RPS6KA6: variants seen among roughly 807,000 people sequenced by gnomAD.
RPS6KA6 encodes ribosomal protein S6 kinase alpha-6.
In RPS6KA6, 27 loss-of-function variants were observed where a neutral mutation model predicts 65.4. That is an observed-to-expected ratio of 0.41 (90% CI 0.30 to 0.57). The LOEUF is 0.57. Among genes scored for constraint, RPS6KA6 ranks in the 20% least tolerant of loss-of-function variants. RPS6KA6 has a pLI of 0.24. For missense variants in RPS6KA6, 486 were observed against 555.6 expected (o/e 0.87, Z 1.26); for synonymous variants, 190 against 184.2 (o/e 1.03, Z -0.26).
intron 20 of RPS6KA6, among the ~76,000 whole-genome samples, chrX:84,081,029 A>G (rs2033786438): frequency 8.9e-6 from 1 of 112,029 alleles, no homozygotes; most frequent in Non-Finnish European, 1.9e-5. Context: ...AAAGCAGGAA[A>G]TATCTAAAAT....
intron 20 of RPS6KA6, among the ~76,000 whole-genome samples, chrX:84,093,499 C>A (rs1280363538): frequency 8.9e-6 from 1 of 111,956 alleles, no homozygotes; most frequent in Admixed American, 9.5e-5. Flanking sequence ...ATCTAAGAGA[C>A]CTTATGAGAT....
chrX:84,087,564 C>A (rs1337339450), intron 20 of RPS6KA6, among the ~76,000 whole-genome samples: 1 of 111,271 alleles, frequency 9.0e-6, no homozygotes, highest in Non-Finnish European at 1.9e-5. Context: ...GTGACCTGGC[C>A]TTTTCTCTCT....
chrX:84,091,741 TG>T (rs2034050544), intron 20 of RPS6KA6, among the ~76,000 whole-genome samples: 1 of 111,812 alleles, frequency 8.9e-6, no homozygotes, highest in African/African-American at 3.3e-5. Context: ...TACATGCACG[TG>T]TATGTTCACT....
chrX:84,063,990 C>A lies in RPS6KA6; in HGVS notation c.*287G>T. On this transcript the variant is annotated 3_prime_UTR_variant, in exon 22 of 22. Transcript: ENST00000262752. ...AACAAGAAAAAAAATATTAAAGTAA[C>A]TTTATTTGAAAGGAATTTTAGAAGC... 4.7e-6 allele frequency: 1 copy of A among 210,693 alleles called. No individual in the cohort carries two copies. The highest frequency in any genetic ancestry group is 8.5e-6 in the Non-Finnish European group (1 of 117,311). The allele number at this position is 210,693 out of a possible 1,213,427, so 17.4% of individuals were successfully genotyped here.
chrX:84,150,860 G>GGATATATATATAGAGAGGATATATAT (rs1555956228), intron 3 of RPS6KA6, among the ~76,000 whole-genome samples: 86 of 93,488 alleles, frequency 9.2e-4, no homozygotes, highest in Non-Finnish European at 1.6e-3. Flanking sequence ...TATATATATA[G>GGATATATATATAGAGAGGATATATAT]AGGATATATA....
chrX:84,081,455 C>A (rs2033798617), intron 20 of RPS6KA6, among the ~76,000 whole-genome samples: 1 of 111,301 alleles, frequency 9.0e-6, no homozygotes, highest in Admixed American at 9.6e-5. Context: ...ATAACAAATT[C>A]TAAACTCGAG....
intron 8 of RPS6KA6, among the ~76,000 whole-genome samples, chrX:84,129,123 A>T (rs1200339160): frequency 9.0e-6 from 1 of 111,722 alleles, no homozygotes; most frequent in Non-Finnish European, 1.9e-5. Flanking sequence ...ACAAGAATAC[A>T]TAAGGAGCTC....
intron 3 of RPS6KA6, among the ~76,000 whole-genome samples, chrX:84,150,502 T>C (rs968477161): frequency 8.2e-5 from 9 of 110,091 alleles, no homozygotes; most frequent in African/African-American, 1.7e-4. Context: ...AAGGCCACTA[T>C]AGAGTTATTA....
At chrX:84,134,495 T>G (rs10218349) in intron 8 of RPS6KA6, among the ~76,000 whole-genome samples, 13,455 of 110,784 alleles carry the variant, frequency 0.12, 796 homozygotes, top group East Asian at 0.51. Flanking sequence ...TGATGACTAC[T>G]TGTGATACAT....
rs1169236972 is a variant in RPS6KA6, at chrX:84,120,057, T to C, written c.647-30A>G. ...AATAACAGTATTACCAAAAAATGTG[T>C]CTGAAAAACTTCAGAAAATAGAAAA... On this transcript the variant is annotated intron_variant, in intron 8 of 21. Coordinates refer to ENST00000262752, the MANE Select transcript of RPS6KA6 (RefSeq NM_014496.5). The C allele has an allele frequency of 4.7e-6, 5 of 1,058,004 alleles. No homozygotes were observed. In the African/African-American group the frequency reaches 7.7e-5, roughly 16 times the overall value. 87.2% of individuals were successfully genotyped at this position (1,058,004 alleles called of 1,213,427 possible). A position where few individuals can be genotyped will look rare whatever the true frequency, so the allele number is the denominator to read the frequency against.
intron 20 of RPS6KA6, among the ~76,000 whole-genome samples, chrX:84,077,111 G>A (rs974359164): frequency 1.8e-5 from 2 of 111,628 alleles, no homozygotes; most frequent in African/African-American, 3.2e-5. Flanking sequence ...TAACTGGAAA[G>A]AGATACTGTG....
chrX:84,154,658 TCAC>T (rs762801562), intron 3 of RPS6KA6, among the ~76,000 whole-genome samples: 4 of 109,443 alleles, frequency 3.7e-5, no homozygotes, highest in East Asian at 2.9e-4. Flanking sequence ...ACCAACTTCA[TCAC>T]CACCACCACC....
intron 1 of RPS6KA6, chrX:84,186,924 C>G (rs1017657354): frequency 1.8e-5 from 2 of 111,552 alleles, no homozygotes; most frequent in African/African-American, 6.5e-5. Context: ...GCTTTTATAA[C>G]AACAATAAAA....
Position 84,060,290 on chromosome X carries a change from G to T in RPS6KA6, c.*3987C>A, listed in dbSNP as rs142946442. The T allele has an allele frequency of 4.7e-4, 50 of 106,911 alleles. No homozygotes were observed. The East Asian group carries it at 0.014, about 30-fold the overall frequency. The allele number at this position is 106,911 out of a possible 1,213,427, so 8.8% of individuals were successfully genotyped here. ...AAAAATGTTTTAAAGAAGTTTAATT[G>T]CAGTTGGCCAATATATACTTAATAT... On this transcript the variant is annotated 3_prime_UTR_variant, in exon 22 of 22. Transcript: ENST00000262752.
In RPS6KA6 at chrX:84,188,019, C is replaced by CT; in HGVS notation, c.-121_-120insA. ...CCGCCGCCGCCGCCGCGACCCCCAG[C>CT]CCCGCCTTCAGCGAGCGCTGCCCTC... On this transcript the variant is annotated 5_prime_UTR_variant, in exon 1 of 22. Transcript: ENST00000262752. The CT allele has an allele frequency of 2.3e-6, 1 of 438,787 alleles. No homozygotes were observed. The highest frequency in any genetic ancestry group is 3.0e-6 in the Non-Finnish European group (1 of 331,578). The allele number at this position is 438,787 out of a possible 1,213,427, so 36.2% of individuals were successfully genotyped here.
chrX:84,105,544 A>T (rs1205285732), intron 16 of RPS6KA6, among the ~76,000 whole-genome samples: 1 of 111,114 alleles, frequency 9.0e-6, no homozygotes, highest in South Asian at 3.8e-4. Flanking sequence ...AACCAGCCAG[A>T]ATATATTCAT....
rs1042501583 is a variant in RPS6KA6 at position 84,174,337 on chromosome X, T to G, written c.82-9950A>C. ...AATTATACAATATTCTTGTAGTTTG[T>G]ACCTCAAGAAGTTTGAAATACACCC... On this transcript the variant is annotated intron_variant, in intron 1 of 21. Coordinates refer to ENST00000262752, the MANE Select transcript of RPS6KA6 (RefSeq NM_014496.5). Among the ~76,000 whole-genome samples the G allele has an allele frequency of 8.0e-5, 9 of 112,038 alleles. No homozygotes were observed. In the East Asian group the frequency reaches 2.2e-3, roughly 28 times the overall value.
Position 84,059,659 on chromosome X carries a change from T to A in RPS6KA6, c.*4618A>T, listed in dbSNP as rs2147302701. 1 of 111,868 alleles carries A rather than the reference T, an allele frequency of 8.9e-6. No individual in the cohort carries two copies. The highest frequency in any genetic ancestry group is 1.9e-5 in the Non-Finnish European group (1 of 53,180). The allele number at this position is 111,868 out of a possible 1,213,427, so 9.2% of individuals were successfully genotyped here. On this transcript the variant is annotated 3_prime_UTR_variant, in exon 22 of 22. Coordinates refer to ENST00000262752, the MANE Select transcript of RPS6KA6 (RefSeq NM_014496.5). ...ATGCAGTTAGTACATTCTCTATAAT[T>A]GTCCACGTAAAATTAAATGCTTAAT...
rs561959924 is a variant in RPS6KA6 at position 84,137,899 on chromosome X, A to G, written c.502-2689T>C. Among the ~76,000 whole-genome samples the G allele has an allele frequency of 6.6e-4, 74 of 111,693 alleles. 2 individuals are homozygous for G. In the South Asian group the frequency reaches 0.026, roughly 40 times the overall value. Reference sequence around the variant, plus strand: ...TTGTGCTAGTTTTTGATGTTCAGTAATCCTTAATTTTTGCTAGTCAAATGT... The same window carrying G: ...TTGTGCTAGTTTTTGATGTTCAGTAGTCCTTAATTTTTGCTAGTCAAATGT... On this transcript the variant is annotated intron_variant, in intron 6 of 21. Coordinates refer to ENST00000262752, the MANE Select transcript of RPS6KA6 (RefSeq NM_014496.5).
Sources: allele counts gnomAD v4.1 joint callset (sites outside exome capture counted in the v4.1 genomes callset), GRCh38; gene constraint gnomAD v4.1.1; transcripts MANE v1.5; gene names NCBI Gene and HGNC (gene_info 2026-07-23, HGNC 2026-07-21).